The following RPTOR variants were observed in gnomAD, a reference collection of about 807,000 sequenced individuals.
RPTOR encodes regulatory associated protein of MTOR complex 1.
A neutral mutation model predicts 169.9 loss-of-function variants in RPTOR; 21 were observed. The observed-to-expected ratio is 0.12, with a 90% CI of 0.09 to 0.18. The LOEUF (loss-of-function observed/expected upper bound fraction) is 0.18. Among genes scored for constraint, RPTOR ranks in the 10% least tolerant of loss-of-function variants. RPTOR has a pLI of 1.00. For synonymous variants in RPTOR, 732 were observed against 753.2 expected (o/e 0.97, Z 0.46); for missense variants, 1,133 against 1,855.9 (o/e 0.61, Z 7.16).
chr17:80,877,979 G>A (rs1300932865), intron 13 of RPTOR, among the ~76,000 whole-genome samples: 1 of 152,158 alleles, frequency 6.6e-6, no homozygotes, highest in African/African-American at 2.4e-5. Context: ...AGGGGCTTCT[G>A]GGCTGCATAA....
At chr17:80,863,181 T>C (rs7218034) in intron 13 of RPTOR, among the ~76,000 whole-genome samples, 6,698 of 152,194 alleles carry the variant, frequency 0.044, 283 homozygotes, top group African/African-American at 0.11. Context: ...CAGGGCACAG[T>C]GGTGACACTG....
In RPTOR at chr17:80,545,530, T is replaced by G. The variant is rs1256840708; in HGVS notation, c.-100T>G. ...ATCCATTTGGTTTTCGATTTCCCGT[T>G]TTTGTTTCTTATTTCACCAATTCTG... is the stretch of plus-strand genomic sequence containing the variant. On this transcript the variant is annotated 5_prime_UTR_variant, in exon 1 of 34. Transcript: ENST00000306801. 2.1e-6 allele frequency: 2 copies of G among 949,360 alleles called. No individual in the cohort carries two copies. The highest frequency in any genetic ancestry group is 3.2e-6 in the Non-Finnish European group (2 of 627,270). The allele number at this position is 949,360 out of a possible 1,614,324, so 58.8% of individuals were successfully genotyped here. A position where few individuals can be genotyped will look rare whatever the true frequency, so the allele number is the denominator to read the frequency against.
At chr17:80,657,451 A>T (rs1287065579) in intron 3 of RPTOR, among the ~76,000 whole-genome samples, 1 of 152,238 alleles carries the variant, frequency 6.6e-6, no homozygotes, top group East Asian at 1.9e-4. Context: ...TGATAGCCAA[A>T]GTAACCAGCT....
intron 24 of RPTOR, among the ~76,000 whole-genome samples, chr17:80,935,940 C>T (rs890003125): frequency 6.6e-6 from 1 of 151,978 alleles, no homozygotes; most frequent in Non-Finnish European, 1.5e-5. Flanking sequence ...ACAGACAGAG[C>T]GAAAATTATA....
intron 1 of RPTOR, among the ~76,000 whole-genome samples, chr17:80,617,624 G>A (rs944805339): frequency 1.3e-5 from 2 of 152,148 alleles, no homozygotes; most frequent in African/African-American, 4.8e-5. Flanking sequence ...AGCAGATCAC[G>A]TATTTTTGCT....
At chr17:80,940,066 C>T (rs193009587) in intron 24 of RPTOR, among the ~76,000 whole-genome samples, 199 of 152,322 alleles carry the variant, frequency 1.3e-3, no homozygotes, top group Admixed American at 4.5e-3. Flanking sequence ...ACTGGCCAGA[C>T]GAGAAGCCCA....
chr17:80,636,843 G>A (rs1183692685), intron 2 of RPTOR, among the ~76,000 whole-genome samples: 7 of 152,220 alleles, frequency 4.6e-5, no homozygotes, highest in East Asian at 1.9e-4. Flanking sequence ...TGCCTCTTCC[G>A]CTGCTTTCTG....
intron 3 of RPTOR, among the ~76,000 whole-genome samples, chr17:80,663,833 G>T (rs1344967444): frequency 6.6e-6 from 1 of 151,912 alleles, no homozygotes; most frequent in African/African-American, 2.4e-5. Context: ...GTGCGTGTGC[G>T]TGTGTGCAAG....
At chr17:80,800,079 C>G (rs113753064) in intron 7 of RPTOR, among the ~76,000 whole-genome samples, 1 of 152,180 alleles carries the variant, frequency 6.6e-6, no homozygotes, top group African/African-American at 2.4e-5. Flanking sequence ...CTCAGGACCC[C>G]GCTGTCTGGG....
intron 5 of RPTOR, among the ~76,000 whole-genome samples, chr17:80,745,446 A>G (rs939849155): frequency 6.6e-6 from 1 of 152,218 alleles, no homozygotes; most frequent in African/African-American, 2.4e-5. Context: ...GTTGCCAGCA[A>G]TAGGCGCAAC....
chr17:80,754,234 C>T lies in RPTOR; in HGVS notation c.830+49C>T, dbSNP rs552447419. 7.2e-5 allele frequency: 110 copies of T among 1,523,162 alleles called. No homozygotes were observed. The South Asian group carries it at 1.2e-3, about 16-fold the overall frequency. The allele number at this position is 1,523,162 out of a possible 1,614,324, so 94.4% of individuals were successfully genotyped here. ...TGGGACCCACTCAACTGGGCTCTCC[C>T]GCAGGGACCCCAACCCATGTGGGCC... On this transcript the variant is annotated intron_variant, in intron 6 of 33. Transcript: ENST00000306801. The surrounding 1 kb of genome is among the most constrained non-coding windows in gnomAD (Gnocchi z 4.2).
chr17:80,652,772 A>G (rs984592336), intron 3 of RPTOR, among the ~76,000 whole-genome samples: 4 of 152,190 alleles, frequency 2.6e-5, no homozygotes, highest in Non-Finnish European at 4.4e-5. Context: ...GCTGGGTCAT[A>G]TGGTGACCCT....
At chr17:80,824,997 C>A (rs12943689) in intron 9 of RPTOR, among the ~76,000 whole-genome samples, 1 of 146,278 alleles carries the variant, frequency 6.8e-6, no homozygotes, top group African/African-American at 2.6e-5. Flanking sequence ...GCGAGGCCAG[C>A]GTGGGGCAGC....
intron 9 of RPTOR, among the ~76,000 whole-genome samples, chr17:80,836,988 A>G (rs1325946770): frequency 6.6e-6 from 1 of 152,016 alleles, no homozygotes; most frequent in Non-Finnish European, 1.5e-5. Flanking sequence ...GGGCGCCCTG[A>G]GCAAGGATGA....
chr17:80,641,463 A>G (rs1274021205), intron 2 of RPTOR, among the ~76,000 whole-genome samples: 1 of 152,200 alleles, frequency 6.6e-6, no homozygotes, highest in African/African-American at 2.4e-5. Context: ...CATGATTTTT[A>G]TTTTATTTTT....
intron 11 of RPTOR, 129 bp from the exon 12 acceptor site, chr17:80,855,335 G>C (rs1349791531): frequency 4.4e-6 from 3 of 682,652 alleles, no homozygotes; most frequent in Non-Finnish European, 7.9e-6. Context: ...CCAGCTCTAG[G>C]TAACTGAAGC....
At chr17:80,676,197 T>C (rs2065860280) in intron 3 of RPTOR, among the ~76,000 whole-genome samples, 1 of 152,128 alleles carries the variant, frequency 6.6e-6, no homozygotes, top group South Asian at 2.1e-4. Flanking sequence ...TTATGCAAAA[T>C]GGTAATGTCC....
In RPTOR at chr17:80,644,307, G is replaced by GTTT. The variant is rs3046923; in HGVS notation, c.348+514_348+516dup. On this transcript the variant is annotated intron_variant, in intron 3 of 33. Coordinates refer to ENST00000306801, the MANE Select transcript of RPTOR (RefSeq NM_020761.3). ...GAGCCAGTTACCAATTAGTGTGTGG[G>GTTT]TTTTTTTTTTTTTTTTTTTGGCTTA... Among the ~76,000 whole-genome samples the GTTT allele has an allele frequency of 8.9e-3, 967 of 109,120 alleles. 28 individuals carry two copies. The highest frequency in any genetic ancestry group is 0.034 in the African/African-American group (912 of 26,686). The allele number at this position is 109,120 out of a possible 152,430, so 71.6% of individuals were successfully genotyped here.
At chr17:80,945,596 A>T (rs1463482655) in intron 25 of RPTOR, 71 bp from the exon 26 acceptor site, 23 of 1,064,456 alleles carry the variant, frequency 2.2e-5, no homozygotes, top group East Asian at 8.1e-5. Flanking sequence ...CGTCTCAAAA[A>T]AAATAAATAA....
Sources: allele counts gnomAD v4.1 joint callset (sites outside exome capture counted in the v4.1 genomes callset), GRCh38; gene constraint gnomAD v4.1.1; non-coding constraint Gnocchi (gnomAD v3.1); transcripts MANE v1.5; gene names NCBI Gene and HGNC (gene_info 2026-07-23, HGNC 2026-07-21).